NDRG2: variants seen among roughly 807,000 people sequenced by gnomAD.
NDRG2 encodes the protein NDRG family member 2.
NDRG2 carries 34 observed loss-of-function variants against 58.2 expected under a neutral mutation model. The observed-to-expected ratio is 0.58, with a 90% CI of 0.44 to 0.78. The LOEUF (loss-of-function observed/expected upper bound fraction) is 0.78, where lower values mean the gene tolerates loss of function less well. Ranked by LOEUF, NDRG2 falls within the 30% of genes least tolerant of loss-of-function variation. The pLI is 0.00. For missense variants in NDRG2, 434 were observed against 471.2 expected (o/e 0.92, Z 0.73); for synonymous variants, 187 against 175.9 (o/e 1.06, Z -0.50).
chr14:21,033,599 T>C, intron 1 of NDRG2: 1 of 557,320 alleles, frequency 1.8e-6, no homozygotes, highest in South Asian at 2.3e-5. Flanking sequence ...GATGAGGAGG[T>C]GGGGGCGAAG....
At chr14:21,031,751 G>A in intron 1 of NDRG2, 1 of 870,632 alleles carries the variant, frequency 1.1e-6, no homozygotes, top group Non-Finnish European at 1.8e-6. Flanking sequence ...GCTGTATCTG[G>A]GCCCTAAGAA....
At chr14:21,041,577 G>A (rs1215031796) in intron 1 of NDRG2, among the ~76,000 whole-genome samples, 1 of 152,144 alleles carries the variant, frequency 6.6e-6, no homozygotes, top group Admixed American at 6.5e-5. Flanking sequence ...GCTCCACACA[G>A]CTGTAACCAC....
intron 12 of NDRG2, 81 bp downstream of exon 12, chr14:21,018,682 C>A: frequency 6.2e-7 from 1 of 1,603,038 alleles, no homozygotes; most frequent in Admixed American, 1.7e-5. Context: ...AACAGGACAT[C>A]CCCTTGGCAA....
At chr14:21,042,152 C>T (rs1386027505) in intron 1 of NDRG2, 1 of 152,256 alleles carries the variant, frequency 6.6e-6, no homozygotes, top group African/African-American at 2.4e-5. Flanking sequence ...CAAATACAGT[C>T]TTCGAATGTG....
At position 21,024,316 on chromosome 14, in the gene NDRG2, G is replaced by C; in HGVS notation, c.-293C>G. ...ACAAGGGCATCAGTTCAGGCTGCGC[G>C]GAGGAGAGAAGGAAGTGCTGATGTG... On this transcript the variant is annotated 5_prime_UTR_variant, in exon 1 of 16. Transcript: ENST00000556147. The C allele has an allele frequency of 1.0e-6, 1 of 985,272 alleles. No individual in the cohort carries two copies. Among genetic ancestry groups the C allele is most frequent in the Non-Finnish European group, 1.2e-6 (1 of 829,784 alleles). 61.0% of individuals were successfully genotyped at this position (985,272 alleles called of 1,614,324 possible).
intron 1 of NDRG2, among the ~76,000 whole-genome samples, chr14:21,049,480 G>T (rs1448017140): frequency 6.6e-6 from 1 of 152,048 alleles, no homozygotes; most frequent in Non-Finnish European, 1.5e-5. Flanking sequence ...TCCTGCTTGG[G>T]TCGTGGCATT....
At chr14:21,058,034 C>T (rs1384479487) in intron 1 of NDRG2, 1 of 1,614,134 alleles carries the variant, frequency 6.2e-7, no homozygotes, top group Non-Finnish European at 8.5e-7. Flanking sequence ...GCCCAGCCCT[C>T]AAGCATGCAA....
chr14:21,048,033 G>T lies in NDRG2; in HGVS notation c.24+22795C>A, dbSNP rs559647402. ...TGGGGCTCTGGGGGATAACCCTTGAGCTATGGCACCAAAAAACATACCAGT... is the reference window on the plus strand; with the variant it reads ...TGGGGCTCTGGGGGATAACCCTTGATCTATGGCACCAAAAAACATACCAGT... On this transcript the variant is annotated intron_variant, in intron 1 of 14. Transcript: ENST00000403829. Among the ~76,000 whole-genome samples the T allele has an allele frequency of 1.4e-4, 21 of 152,204 alleles. No individual in the cohort carries two copies. The South Asian group carries it at 4.4e-3, about 32-fold the overall frequency.
At chr14:21,046,954 GGGTT>G (rs1211027673) in intron 1 of NDRG2, 1 of 152,422 alleles carries the variant, frequency 6.6e-6, no homozygotes, top group Non-Finnish European at 1.5e-5. Flanking sequence ...GGAAGAGGAG[GGGTT>G]GGTCTTGCTG....
At chr14:21,033,788 G>T in intron 1 of NDRG2, 1 of 1,337,048 alleles carries the variant, frequency 7.5e-7, no homozygotes, top group Non-Finnish European at 1.1e-6. Context: ...GCTGGCCTGT[G>T]GTGGTAGAGG....
rs965076295 is a variant in NDRG2, at chr14:21,019,972, G to A, written c.560C>T (p.Thr187Ile). ...GWMDWAAHKL[T>I]GLTSSIPEMI... ...CTCCGGAATGGAAGAGGTGAGGCCT[G>A]TTAGCTATGAGGAGAAGGCAGGTGA... Residue 187 changes from threonine to isoleucine, a missense_variant, in exon 9 of 16, where the codon ACA becomes ATA. Physicochemically the swap from Thr to Ile is moderately conservative, Grantham distance 89 (BLOSUM62 -1). Coordinates refer to ENST00000556147, the MANE Select transcript of NDRG2 (RefSeq NM_001320329.2). The A allele has an allele frequency of 6.2e-6, 10 of 1,613,546 alleles. No individual in the cohort carries two copies. The highest frequency in any genetic ancestry group is 2.2e-5 in the East Asian group (1 of 44,894).
chr14:21,025,742 G>A (rs999741186), upstream of NDRG2: 3 of 983,564 alleles, frequency 3.1e-6, no homozygotes, highest in African/African-American at 5.2e-5. This position sits in a 1 kb window ranked among gnomAD's most constrained non-coding sequence, Gnocchi z 5.1. Flanking sequence ...TGGACAACAA[G>A]GCGGGGAGGT....
intron 1 of NDRG2, among the ~76,000 whole-genome samples, chr14:21,066,427 C>G (rs1219883064): frequency 6.6e-6 from 1 of 151,974 alleles, no homozygotes; most frequent in African/African-American, 2.4e-5. Context: ...TCAAGCGATT[C>G]TCCTGCCTCA....
chr14:21,056,925 G>A lies in NDRG2; in HGVS notation c.24+13903C>T, dbSNP rs118098341. 6.4e-3 allele frequency among the ~76,000 whole-genome samples: 977 copies of A among 152,272 alleles called. 3 individuals carry two copies. The highest frequency in any genetic ancestry group is 0.011 in the Non-Finnish European group (768 of 68,018). ...ATTCTCCAGCAGGGCAAAATGTCAG[G>A]CATGGAAAGAACCCAACTCGCCATG... On this transcript the variant is annotated intron_variant, in intron 1 of 14. Coordinates refer to the NDRG2 transcript ENST00000403829.
chr14:21,070,351 GC>G lies in NDRG2; in HGVS notation c.24+476del, dbSNP rs1415677265. 3 of 1,404,142 alleles carry G rather than the reference GC, an allele frequency of 2.1e-6. No homozygotes were observed. The highest frequency in any genetic ancestry group is 6.3e-5 in the Admixed American group (2 of 31,606). 87.0% of individuals were successfully genotyped at this position (1,404,142 alleles called of 1,614,324 possible). On this transcript the variant is annotated intron_variant, in intron 1 of 14. Coordinates refer to the NDRG2 transcript ENST00000403829. The surrounding 1 kb of genome is among the most constrained non-coding windows in gnomAD (Gnocchi z 4.7). ...CGGGAGGGAGGCGGTGGCGCGCCCGGCCCCGCCCGCCCGACCAAGCGTCGGA... is the reference window on the plus strand; with the variant it reads ...CGGGAGGGAGGCGGTGGCGCGCCCGGCCCGCCCGCCCGACCAAGCGTCGGA...
chr14:21,024,335 T>C lies in NDRG2; in HGVS notation c.-312A>G. 1.0e-6 allele frequency: 1 copy of C among 981,800 alleles called. No individual in the cohort carries two copies. The highest frequency in any genetic ancestry group is 1.2e-6 in the Non-Finnish European group (1 of 826,714). 60.8% of individuals were successfully genotyped at this position (981,800 alleles called of 1,614,324 possible). A position where few individuals can be genotyped will look rare whatever the true frequency, so the allele number is the denominator to read the frequency against. ...CTGCGCGGAGGAGAGAAGGAAGTGC[T>C]GATGTGGAGGTAAGAGGGTGGCCCT... is the stretch of plus-strand genomic sequence containing the variant. On this transcript the variant is annotated 5_prime_UTR_variant, in exon 1 of 16. Transcript: ENST00000556147.
In NDRG2 at chr14:21,022,460, A is replaced by C; in HGVS notation, c.155T>G (p.Phe52Cys). ...GGGTTTGGGGGTGCCATAGACAGTG[A>C]AAGTGACAGAGCCGTATGGTGTCTC... Reference protein sequence around the residue: ...SVETPYGSVTFTVYGTPKPKR... With the variant: ...SVETPYGSVTCTVYGTPKPKR... Residue 52 changes from phenylalanine to cysteine, a missense_variant, in exon 4 of 16, where the codon TTC (phenylalanine) becomes TGC (cysteine). Coordinates refer to ENST00000556147, the MANE Select transcript of NDRG2 (RefSeq NM_001320329.2). 6.2e-7 allele frequency: 1 copy of C among 1,614,114 alleles called. No homozygotes were observed. The highest frequency in any genetic ancestry group is 8.5e-7 in the Non-Finnish European group (1 of 1,180,006).
chr14:21,043,379 T>C, intron 1 of NDRG2: 2 of 1,614,126 alleles, frequency 1.2e-6, no homozygotes, highest in South Asian at 2.2e-5. Context: ...AGAACAAGTC[T>C]TACGTAGTGG....
intron 1 of NDRG2, among the ~76,000 whole-genome samples, chr14:21,056,293 C>T (rs972000917): frequency 6.6e-6 from 1 of 152,078 alleles, no homozygotes; most frequent in Non-Finnish European, 1.5e-5. Flanking sequence ...TATCTGCTTA[C>T]CACCCCTATT....
Sources: allele counts gnomAD v4.1 joint callset (sites outside exome capture counted in the v4.1 genomes callset), GRCh38; gene constraint gnomAD v4.1.1; non-coding constraint Gnocchi (gnomAD v3.1); transcripts MANE v1.5; gene names NCBI Gene and HGNC (gene_info 2026-07-23, HGNC 2026-07-21).